The following ACOT12 variants were observed in gnomAD, a reference collection of about 807,000 sequenced individuals.
ACOT12 encodes acetyl-coenzyme A thioesterase.
A neutral mutation model predicts 67.7 loss-of-function variants in ACOT12; 51 were observed. That is an observed-to-expected ratio of 0.75 (90% CI 0.60 to 0.95). The LOEUF is 0.95. Ranked by LOEUF, ACOT12 falls within the 40% of genes least tolerant of loss-of-function variation. The pLI is 0.00. For synonymous variants in ACOT12, 251 were observed against 244.6 expected (o/e 1.03, Z -0.24); for missense variants, 734 against 708.1 (o/e 1.04, Z -0.41).
chr5:81,345,023 G>A lies in ACOT12; in HGVS notation c.792C>T (p.Arg264=), dbSNP rs535147380. ...ATTCCTGACAGTCAAAGGCCTCCAC[G>A]CGAACTCCAACTTCAACACTGTGAA... ...TFQTCVEVGV[R]VEAFDCQEWA... The change falls in exon 8 of 15, where the codon CGC becomes CGT. Residue 264 remains arginine (R), a synonymous_variant. Transcript: ENST00000307624. 220 of 1,614,058 alleles carry A rather than the reference G, an allele frequency of 1.4e-4. No individual in the cohort carries two copies. In the South Asian group the frequency reaches 1.9e-3, roughly 14 times the overall value.
chr5:81,342,665 G>C lies in ACOT12; in HGVS notation c.1128+7C>G. ...ATGGATTATGCAAATACCTGGAAGT[G>C]TCCTACCTTTTCCACAGTGCTGGTA... is the stretch of plus-strand genomic sequence containing the variant. On this transcript the variant is annotated splice_region_variant and intron_variant, in intron 11 of 14. Transcript: ENST00000307624. 6.2e-7 allele frequency: 1 copy of C among 1,614,028 alleles called. No individual in the cohort carries two copies. Among genetic ancestry groups the C allele is most frequent in the South Asian group, 1.1e-5 (1 of 91,084 alleles).
the ACOT12 span, chr5:81,308,863 T>C: frequency 7.2e-7 from 1 of 1,392,704 alleles, no homozygotes; most frequent in Non-Finnish European, 9.7e-7. Flanking sequence ...ATATATTTTT[T>C]ATTCAGAGTA....
Position 81,372,096 on chromosome 5 carries a change from C to T in ACOT12, c.198-286G>A, listed in dbSNP as rs140305703. Among the ~76,000 whole-genome samples the T allele has an allele frequency of 4.2e-3, 640 of 152,334 alleles. 2 individuals carry two copies. Among genetic ancestry groups the T allele is most frequent in the South Asian group, 7.5e-3 (36 of 4,826 alleles). On this transcript the variant is annotated intron_variant, in intron 2 of 14. Transcript: ENST00000307624. ...CATGACTCCAAATCGGCAACACATA[C>T]TGACTATACAGCAGCTGTTTCCCCA...
In ACOT12 at chr5:81,344,880, T is replaced by C; in HGVS notation, c.924+11A>G. The C allele has an allele frequency of 6.2e-7, 1 of 1,614,108 alleles. No homozygotes were observed. Among genetic ancestry groups the C allele is most frequent in the Middle Eastern group, 1.6e-4 (1 of 6,062 alleles). ...GGTCCGGCTATTGAACCTCGTGTGA[T>C]AATAACTGACCTTTGAAATGGGTTG... is the stretch of plus-strand genomic sequence containing the variant. On this transcript the variant is annotated intron_variant, in intron 8 of 14. Coordinates refer to ENST00000307624, the MANE Select transcript of ACOT12 (RefSeq NM_130767.3).
At chr5:81,311,383 A>G in the ACOT12 span, 6 of 1,183,476 alleles carry the variant, frequency 5.1e-6, no homozygotes, top group Non-Finnish European at 7.5e-6. Flanking sequence ...AATGATTTTA[A>G]GACAACCTGT....
chr5:81,358,442 T>C (rs1012251895), intron 5 of ACOT12, among the ~76,000 whole-genome samples: 1 of 152,218 alleles, frequency 6.6e-6, no homozygotes, highest in Non-Finnish European at 1.5e-5. Flanking sequence ...GCTATTTCAT[T>C]ACTTGAGCAA....
intron 5 of ACOT12, among the ~76,000 whole-genome samples, chr5:81,353,806 A>G (rs1006433014): frequency 2.0e-5 from 3 of 152,198 alleles, no homozygotes; most frequent in African/African-American, 7.2e-5. Context: ...TCCATCATAC[A>G]ACATCTTGAA....
chr5:81,316,353 GTC>G, the ACOT12 span, among the ~76,000 whole-genome samples: 2 of 152,080 alleles, frequency 1.3e-5, no homozygotes, highest in East Asian at 1.9e-4. Context: ...TTTACCTTCT[GTC>G]TCTATACAGT....
chr5:81,319,632 G>A, the ACOT12 span, among the ~76,000 whole-genome samples: 6 of 151,786 alleles, frequency 4.0e-5, no homozygotes, highest in Admixed American at 2.6e-4. Flanking sequence ...CAGGAGAATC[G>A]CTTGAACCCG....
chr5:81,358,040 GAAAAACAAC>G (rs143657563), intron 5 of ACOT12, among the ~76,000 whole-genome samples: 42 of 138,082 alleles, frequency 3.0e-4, no homozygotes, highest in Admixed American at 8.0e-4. Context: ...AGAAGAAGAA[GAAAAACAAC>G]TGTATTTTGA....
rs924492034 is a variant in ACOT12, at chr5:81,393,836, G to C, written c.127+152C>G. 31 of 805,694 alleles carry C rather than the reference G, an allele frequency of 3.8e-5. No individual in the cohort carries two copies. In the East Asian group the frequency reaches 7.7e-4, roughly 20 times the overall value. 49.9% of individuals were successfully genotyped at this position (805,694 alleles called of 1,614,324 possible). ...CACCGGTCTCGGCCATGCCCAGCGC[G>C]GGCGCACTGTTGCAACACCCCTATC... On this transcript the variant is annotated intron_variant, in intron 1 of 14. Coordinates refer to ENST00000307624, the MANE Select transcript of ACOT12 (RefSeq NM_130767.3).
At chr5:81,332,728 T>A (rs1580526281) in intron 12 of ACOT12, 123 bp from the exon 13 acceptor site, 1 of 1,171,412 alleles carries the variant, frequency 8.5e-7, no homozygotes, top group Non-Finnish European at 1.2e-6. Context: ...CACCTAATCA[T>A]CTCCCTAAAA....
chr5:81,340,171 G>C (rs1759147356), intron 11 of ACOT12, among the ~76,000 whole-genome samples: 1 of 151,578 alleles, frequency 6.6e-6, no homozygotes, highest in Non-Finnish European at 1.5e-5. Flanking sequence ...CCAAGCAGCT[G>C]AGATTACAGG....
rs1482151004 is a variant in ACOT12 at position 81,371,824 on chromosome 5, A to G, written c.198-14T>C. On this transcript the variant is annotated splice_polypyrimidine_tract_variant and intron_variant, in intron 2 of 14. Transcript: ENST00000307624. The stretch of plus-strand genomic sequence containing the variant: ...ACTTGTCCAACTCTAGGGAAAAACA[A>G]ACAAAAAAACCTCAGTAGTTTTAGC... The G allele has an allele frequency of 6.2e-7, 1 of 1,612,004 alleles. No individual in the cohort carries two copies.
At chr5:81,368,567 T>C (rs1309947661) in intron 3 of ACOT12, among the ~76,000 whole-genome samples, 1 of 151,918 alleles carries the variant, frequency 6.6e-6, no homozygotes, top group African/African-American at 2.4e-5. Context: ...CATCAGAGAT[T>C]TGGAAATTAA....
At chr5:81,349,145 T>G (rs1759477157) in intron 5 of ACOT12, among the ~76,000 whole-genome samples, 1 of 152,200 alleles carries the variant, frequency 6.6e-6, no homozygotes. Context: ...CTGTTGCTGC[T>G]CTCGGCATAG....
chr5:81,313,807 T>C, the ACOT12 span, among the ~76,000 whole-genome samples: 1 of 152,236 alleles, frequency 6.6e-6, no homozygotes, highest in South Asian at 2.1e-4. Context: ...CTAGTCTTAA[T>C]AGGAGCTGTT....
chr5:81,355,562 A>C (rs960052985), intron 5 of ACOT12, among the ~76,000 whole-genome samples: 5 of 152,262 alleles, frequency 3.3e-5, no homozygotes, highest in Non-Finnish European at 7.3e-5. Flanking sequence ...CTGCCAAGTC[A>C]GAGGACTTGG....
the ACOT12 span, chr5:81,311,356 A>G: frequency 1.7e-5 from 24 of 1,415,828 alleles, no homozygotes; most frequent in African/African-American, 5.7e-5. Context: ...TGTTATTAAT[A>G]ACTCAATTGG....
Sources: gnomAD v4.1 joint callset for allele counts (sites outside exome capture counted in the v4.1 genomes callset) on GRCh38, gnomAD v4.1.1 for gene constraint, MANE v1.5 for transcripts, NCBI Gene and HGNC (gene_info 2026-07-23, HGNC 2026-07-21) for gene names.